Variants in ZNF804A observed in about 807,000 individuals in gnomAD.
ZNF804A encodes zinc finger protein 804A.
Under a neutral mutation model 16.5 loss-of-function variants are expected in ZNF804A, and 2 were observed. The ratio of observed to expected loss-of-function variants is 0.12; its 90% CI spans 0.05 to 0.38. ZNF804A has a LOEUF of 0.38. Among genes scored for constraint, ZNF804A ranks in the 10% least tolerant of loss-of-function variants. The probability of loss-of-function intolerance (pLI) is 0.99; values close to 1 mark genes in which losing one functional copy is unlikely to be tolerated. For synonymous variants in ZNF804A, 534 were observed against 489.6 expected (o/e 1.09, Z -1.20); for missense variants, 1,473 against 1,390.7 (o/e 1.06, Z -0.94).
At chr2:184,834,779 T>C (rs1695318347) in intron 1 of ZNF804A, among the ~76,000 whole-genome samples, 1 of 152,170 alleles carries the variant, frequency 6.6e-6, no homozygotes, top group Non-Finnish European at 1.5e-5. Context: ...TTTACATTCC[T>C]GTTAGAAATA....
intron 1 of ZNF804A, among the ~76,000 whole-genome samples, chr2:184,705,896 T>C (rs959536954): frequency 5.3e-5 from 8 of 152,138 alleles, no homozygotes; most frequent in African/African-American, 1.4e-4. Context: ...TACCTCTACC[T>C]CTGCTACCAT....
chr2:184,784,046 A>G (rs1694411194), intron 1 of ZNF804A, among the ~76,000 whole-genome samples: 1 of 151,942 alleles, frequency 6.6e-6, no homozygotes, highest in Non-Finnish European at 1.5e-5. Flanking sequence ...TGAATTCATT[A>G]TCATGAAAAC....
chr2:184,799,808 T>C (rs1319640652), intron 1 of ZNF804A, among the ~76,000 whole-genome samples: 1 of 152,194 alleles, frequency 6.6e-6, no homozygotes, highest in African/African-American at 2.4e-5. Flanking sequence ...GCTCCCAAAA[T>C]GCTGGGATTA....
At chr2:184,706,225 AAAGTGAAC>A (rs1693028432) in intron 1 of ZNF804A, among the ~76,000 whole-genome samples, 1 of 152,194 alleles carries the variant, frequency 6.6e-6, no homozygotes, top group Non-Finnish European at 1.5e-5. Flanking sequence ...CCTTCCAAGC[AAAGTGAAC>A]AATCGCTGTT....
chr2:184,810,782 G>A (rs1021450926), intron 1 of ZNF804A, among the ~76,000 whole-genome samples: 3 of 151,996 alleles, frequency 2.0e-5, no homozygotes, highest in Non-Finnish European at 4.4e-5. Context: ...GAGCCACCGC[G>A]CCTGGCCGAA....
chr2:184,701,726 A>T (rs1401869579), intron 1 of ZNF804A, among the ~76,000 whole-genome samples: 2 of 151,934 alleles, frequency 1.3e-5, no homozygotes, highest in Non-Finnish European at 2.9e-5. Context: ...ATTAAATGCT[A>T]TGCATTCATA....
At chr2:184,925,032 T>C (rs1685588314) in intron 2 of ZNF804A, among the ~76,000 whole-genome samples, 1 of 151,990 alleles carries the variant, frequency 6.6e-6, no homozygotes, top group Non-Finnish European at 1.5e-5. Context: ...GGATGAAATG[T>C]GTCGTAAATA....
At chr2:184,691,926 G>C (rs1388522646) in intron 1 of ZNF804A, among the ~76,000 whole-genome samples, 1 of 152,054 alleles carries the variant, frequency 6.6e-6, no homozygotes, top group East Asian at 1.9e-4. Context: ...TATGAGAGAA[G>C]CAATGAAAGA....
intron 2 of ZNF804A, among the ~76,000 whole-genome samples, chr2:184,875,630 A>C (rs2105815301): frequency 6.6e-6 from 1 of 152,244 alleles, no homozygotes; most frequent in Non-Finnish European, 1.5e-5. Flanking sequence ...AAATGTACAG[A>C]GACGGTGTCC....
At chr2:184,667,734 CTTA>C (rs1559121622) in intron 1 of ZNF804A, among the ~76,000 whole-genome samples, 1 of 151,682 alleles carries the variant, frequency 6.6e-6, no homozygotes, top group African/African-American at 2.4e-5. Context: ...TAAATCTCAG[CTTA>C]TTATCTGTAG....
chr2:184,852,079 G>A lies in ZNF804A; in HGVS notation c.112-14290G>A, dbSNP rs193049865. On this transcript the variant is annotated intron_variant, in intron 1 of 3. Transcript: ENST00000302277. Reference sequence around the variant, plus strand: ...TCATTTGAATTTCTTATCAATTTTGGTTATTAAACCTTATCAAATTTATGA... The same window carrying A: ...TCATTTGAATTTCTTATCAATTTTGATTATTAAACCTTATCAAATTTATGA... Among the ~76,000 whole-genome samples the A allele has an allele frequency of 3.3e-5, 5 of 151,606 alleles. No individual in the cohort carries two copies. The Admixed American group carries it at 3.3e-4, about 10-fold the overall frequency.
At chr2:184,858,211 A>G (rs1252304823) in intron 1 of ZNF804A, among the ~76,000 whole-genome samples, 1 of 152,074 alleles carries the variant, frequency 6.6e-6, no homozygotes, top group Non-Finnish European at 1.5e-5. Context: ...CATTAAAATA[A>G]TAACAACTTA....
chr2:184,644,932 T>G (rs1691849110), intron 1 of ZNF804A, among the ~76,000 whole-genome samples: 1 of 152,094 alleles, frequency 6.6e-6, no homozygotes. Context: ...AATTACCTGG[T>G]GTATGGCTTT....
intron 1 of ZNF804A, among the ~76,000 whole-genome samples, chr2:184,790,337 G>A (rs567347973): frequency 2.4e-4 from 37 of 151,700 alleles, no homozygotes; most frequent in Admixed American, 5.2e-4. Flanking sequence ...TGAGTATTAC[G>A]TTCTGTAGAT....
chr2:184,604,972 T>C (rs1302391581), intron 1 of ZNF804A, among the ~76,000 whole-genome samples: 2 of 152,122 alleles, frequency 1.3e-5, no homozygotes, highest in African/African-American at 4.8e-5. Flanking sequence ...TTTTTGGTAT[T>C]TTGCTGTTGT....
chr2:184,732,379 A>G (rs953885829), intron 1 of ZNF804A, among the ~76,000 whole-genome samples: 2 of 151,794 alleles, frequency 1.3e-5, no homozygotes, highest in Non-Finnish European at 2.9e-5. Context: ...ACCTTCTATC[A>G]TGTTTCATTG....
intron 1 of ZNF804A, among the ~76,000 whole-genome samples, chr2:184,833,146 A>G (rs1204022198): frequency 1.3e-5 from 2 of 152,012 alleles, no homozygotes; most frequent in Non-Finnish European, 2.9e-5. Flanking sequence ...TCTCACACTT[A>G]TCTCAGCAAT....
chr2:184,719,968 G>A (rs955181087), intron 1 of ZNF804A, among the ~76,000 whole-genome samples: 3 of 152,124 alleles, frequency 2.0e-5, no homozygotes, highest in Non-Finnish European at 4.4e-5. Context: ...TTTTTACACT[G>A]CTGATAATGT....
In ZNF804A at chr2:184,690,148, G is replaced by A. The variant is rs568477109; in HGVS notation, c.111+91078G>A. ...GGAGGCTTTGAATAAAAATTAGTTT[G>A]CCCTACCGATGAAAATGCAGCATTG... is the stretch of plus-strand genomic sequence containing the variant. On this transcript the variant is annotated intron_variant, in intron 1 of 3. Transcript: ENST00000302277. 2.4e-3 allele frequency among the ~76,000 whole-genome samples: 358 copies of A among 150,736 alleles called. 1 individual carries two copies. The highest frequency in any genetic ancestry group is 8.4e-3 in the African/African-American group (345 of 41,018).
Sources: allele counts gnomAD v4.1 joint callset (sites outside exome capture counted in the v4.1 genomes callset), GRCh38; gene constraint gnomAD v4.1.1; transcripts MANE v1.5; gene names NCBI Gene and HGNC (gene_info 2026-07-23, HGNC 2026-07-21).